The following CSTB variants were observed in gnomAD, a reference collection of about 807,000 sequenced individuals.
CSTB encodes cystatin-B.
A neutral mutation model predicts 7.6 loss-of-function variants in CSTB; 8 were observed. That is an observed-to-expected ratio of 1.05 (90% CI 0.62 to 1.89). The LOEUF is 1.89. Ranked by LOEUF, CSTB falls within the 40% of genes most tolerant of loss-of-function variation. CSTB has a pLI of 0.00. For missense variants in CSTB, 124 were observed against 126.4 expected, an observed-to-expected ratio of 0.98 and a Z score of 0.09; for synonymous variants, 56 against 55.3, an observed-to-expected ratio of 1.01 and a Z score of -0.06.
In CSTB at chr21:43,774,128, A is replaced by G. The variant is rs6385; in HGVS notation, c.*74T>C. The stretch of plus-strand genomic sequence containing the variant: ...CGGAGATGAAGCTTATTTTAGGATC[A>G]CAAGTGCACGCTCTGGTAGACGGAG... On this transcript the variant is annotated 3_prime_UTR_variant, in exon 3 of 3. Coordinates refer to ENST00000291568, the MANE Select transcript of CSTB (RefSeq NM_000100.4). 4,837 of 1,603,536 alleles carry G rather than the reference A, an allele frequency of 3.0e-3. 120 individuals are homozygous for G. In the African/African-American group the frequency reaches 0.054, roughly 18 times the overall value.
intron 1 of CSTB, 87 bp from the exon 2 acceptor site, chr21:43,774,846 C>G: frequency 1.1e-6 from 1 of 916,526 alleles, no homozygotes; most frequent in Non-Finnish European, 1.8e-6. Flanking sequence ...TGAGCACACA[C>G]ACGATTCTGA....
intron 1 of CSTB, 77 bp downstream of exon 1, chr21:43,776,127 T>G: frequency 7.3e-7 from 1 of 1,374,092 alleles, no homozygotes; most frequent in South Asian, 1.3e-5. Context: ...AGCGGCTTCT[T>G]TCGCTCCAGG....
chr21:43,776,135 A>C lies in CSTB; in HGVS notation c.66+69T>G. The C allele has an allele frequency of 3.5e-6, 5 of 1,413,594 alleles. No homozygotes were observed. In the South Asian group the frequency reaches 6.3e-5, roughly 18 times the overall value. 87.6% of individuals were successfully genotyped at this position (1,413,594 alleles called of 1,614,324 possible). A position where few individuals can be genotyped will look rare whatever the true frequency, so the allele number is the denominator to read the frequency against. On this transcript the variant is annotated intron_variant, in intron 1 of 2. Coordinates refer to ENST00000291568, the MANE Select transcript of CSTB (RefSeq NM_000100.4). ...GGGCCAAAGCGGCTTCTTTCGCTCC[A>C]GGAGCCGCGGCCGCGCCCTGAGGCT...
chr21:43,776,001 C>G, intron 1 of CSTB: 1 of 485,264 alleles, frequency 2.1e-6, no homozygotes, highest in Non-Finnish European at 3.6e-6. Flanking sequence ...CCCAATGTCT[C>G]CCCAGCGGCG....
Position 43,776,295 on chromosome 21 carries a change from C to A in CSTB, c.-26G>T, listed in dbSNP as rs1461860051. On this transcript the variant is annotated 5_prime_UTR_variant, in exon 1 of 3. Coordinates refer to ENST00000291568, the MANE Select transcript of CSTB (RefSeq NM_000100.4). ...CTTGGCGGCGACGGAGGGAATCTGG[C>A]GAGGGGACTCGGCGAGGGGACGCGG... The A allele has an allele frequency of 2.0e-6, 3 of 1,521,074 alleles. No individual in the cohort carries two copies. The highest frequency in any genetic ancestry group is 2.4e-5 in the South Asian group (2 of 82,058). The allele number at this position is 1,521,074 out of a possible 1,614,324, so 94.2% of individuals were successfully genotyped here.
rs1236504207 is a variant in CSTB, at chr21:43,776,254, G to C, written c.16C>G (p.Pro6Ala). Residue 6 changes from proline to alanine, a missense_variant, in exon 1 of 3, where the codon CCC becomes GCC. Physicochemically the swap from Pro to Ala is conservative, Grantham distance 27. Coordinates refer to ENST00000291568, the MANE Select transcript of CSTB (RefSeq NM_000100.4). The part of the protein sequence containing the change: MMCGA[P>A]SATQPATAET... Reference sequence around the variant, plus strand: ...GCGGTGGCCGGCTGCGTGGCGGAGGGCGCCCCGCACATCATCTTGGCGGCG... The same window carrying C: ...GCGGTGGCCGGCTGCGTGGCGGAGGCCGCCCCGCACATCATCTTGGCGGCG... 1 of 1,528,470 alleles carries C rather than the reference G, an allele frequency of 6.5e-7. No homozygotes were observed. The highest frequency in any genetic ancestry group is 8.8e-7 in the Non-Finnish European group (1 of 1,140,454). The allele number at this position is 1,528,470 out of a possible 1,614,324, so 94.7% of individuals were successfully genotyped here. A position where few individuals can be genotyped will look rare whatever the true frequency, so the allele number is the denominator to read the frequency against.
intron 2 of CSTB, 132 bp downstream of exon 2, chr21:43,774,526 C>T (rs2084000696): frequency 3.6e-6 from 4 of 1,119,958 alleles, no homozygotes; most frequent in Admixed American, 1.8e-5. Context: ...GATGGACACA[C>T]ACAGTAGGAT....
chr21:43,776,170 C>A (rs1235204193), intron 1 of CSTB, 34 bp downstream of exon 1: 1 of 1,520,238 alleles, frequency 6.6e-7, no homozygotes, highest in Admixed American at 2.0e-5. Context: ...TAAGGCAGGA[C>A]TCCGGGCCGG....
Position 43,774,252 on chromosome 21 carries a change from A to C in CSTB, c.247T>G (p.Ser83Ala). Residue 83 changes from serine to alanine, a missense_variant, in exon 3 of 3, where the codon TCT (serine) becomes GCT (alanine). Coordinates refer to ENST00000291568, the MANE Select transcript of CSTB (RefSeq NM_000100.4). The part of the protein sequence containing the change: ...LPHENKPLTL[S>A]NYQTNKAKHD... ...TTGGCTTTGTTGGTCTGGTAGTTAG[A>C]TAAGGTCAAGGGCTTGTTTTCATGA... The C allele has an allele frequency of 2.5e-6, 4 of 1,614,204 alleles. No individual in the cohort carries two copies. Among genetic ancestry groups the C allele is most frequent in the Non-Finnish European group, 3.4e-6 (4 of 1,180,026 alleles).
chr21:43,776,040 C>G, intron 1 of CSTB, 164 bp downstream of exon 1: 3 of 572,462 alleles, frequency 5.2e-6, no homozygotes, highest in Non-Finnish European at 8.5e-6. Context: ...GCTGCTCACT[C>G]GCGCGCAGCG....
chr21:43,774,101 C>T lies in CSTB; in HGVS notation c.*101G>A, dbSNP rs1201328934. 7 of 1,526,334 alleles carry T rather than the reference C, an allele frequency of 4.6e-6. No homozygotes were observed. The highest frequency in any genetic ancestry group is 1.1e-5 in the South Asian group (1 of 88,246). 94.5% of individuals were successfully genotyped at this position (1,526,334 alleles called of 1,614,324 possible). ...GCCCCTTCCACCCCAAGGGGCACAGCCCGGAGATGAAGCTTATTTTAGGAT... is the reference window on the plus strand; with the variant it reads ...GCCCCTTCCACCCCAAGGGGCACAGTCCGGAGATGAAGCTTATTTTAGGAT... On this transcript the variant is annotated 3_prime_UTR_variant, in exon 3 of 3. Transcript: ENST00000291568.
chr21:43,776,041 G>C (rs903129364), intron 1 of CSTB, 163 bp downstream of exon 1: 7 of 573,768 alleles, frequency 1.2e-5, no homozygotes, highest in Non-Finnish European at 2.0e-5. Flanking sequence ...CTGCTCACTC[G>C]CGCGCAGCGC....
Position 43,774,591 on chromosome 21 carries a change from G to C in CSTB, c.168+67C>G, listed in dbSNP as rs769975050. 9 of 1,395,868 alleles carry C rather than the reference G, an allele frequency of 6.4e-6. No homozygotes were observed. The Admixed American group carries it at 6.7e-5, about 10-fold the overall frequency. The allele number at this position is 1,395,868 out of a possible 1,614,324, so 86.5% of individuals were successfully genotyped here. A position where few individuals can be genotyped will look rare whatever the true frequency, so the allele number is the denominator to read the frequency against. ...CCCAGCACCTAAGACCACACAGCCC[G>C]GGCCTGCACAGGCGGTTTCCTACCA... On this transcript the variant is annotated intron_variant, in intron 2 of 2. Transcript: ENST00000291568.
At chr21:43,775,173 A>G (rs2084004258) in intron 1 of CSTB, 1 of 325,930 alleles carries the variant, frequency 3.1e-6, no homozygotes, top group South Asian at 2.5e-5. Flanking sequence ...CAGTGGGCCG[A>G]GATTGTGCCA....
Position 43,774,652 on chromosome 21 carries a change from C to A in CSTB, c.168+6G>T. On this transcript the variant is annotated splice_donor_region_variant and intron_variant, in intron 2 of 2. Coordinates refer to ENST00000291568, the MANE Select transcript of CSTB (RefSeq NM_000100.4). Reference sequence around the variant, plus strand: ...GGGGCAGGCCCTCCTGAGGCCCACACTCTACCTTGATGAAGTAGTTTGTCC... The same window carrying A: ...GGGGCAGGCCCTCCTGAGGCCCACAATCTACCTTGATGAAGTAGTTTGTCC... 1 of 1,612,286 alleles carries A rather than the reference C, an allele frequency of 6.2e-7. No individual in the cohort carries two copies. Among genetic ancestry groups the A allele is most frequent in the Non-Finnish European group, 8.5e-7 (1 of 1,178,316 alleles).
At chr21:43,774,352 C>G (rs73375268) in intron 2 of CSTB, 22 bp from the exon 3 acceptor site, 4 of 1,613,948 alleles carry the variant, frequency 2.5e-6, no homozygotes, top group East Asian at 2.2e-5. Flanking sequence ...GCGGAGTGAG[C>G]GAAGCCTCTG....
intron 2 of CSTB, 148 bp downstream of exon 2, chr21:43,774,510 A>G: frequency 8.6e-7 from 1 of 1,162,384 alleles, no homozygotes; most frequent in Non-Finnish European, 1.3e-6. Context: ...GTCCTCCTGA[A>G]AGGCCGATGG....
intron 1 of CSTB, 118 bp downstream of exon 1, chr21:43,776,086 G>A: frequency 4.1e-6 from 4 of 964,044 alleles, no homozygotes; most frequent in Non-Finnish European, 4.5e-6. Flanking sequence ...GCCACAGCCC[G>A]GGCCAGCCCA....
chr21:43,774,548 G>T, intron 2 of CSTB, 110 bp downstream of exon 2: 1 of 1,166,492 alleles, frequency 8.6e-7, no homozygotes, highest in Non-Finnish European at 1.3e-6. Flanking sequence ...CTTATCTCAG[G>T]GGGCAGCCAC....
Sources: gnomAD v4.1 joint callset for allele counts on GRCh38, gnomAD v4.1.1 for gene constraint, MANE v1.5 for transcripts, NCBI Gene and HGNC (gene_info 2026-07-23, HGNC 2026-07-21) for gene names.